ZFAND3: variants seen among roughly 807,000 people sequenced by gnomAD.
The protein encoded by ZFAND3 is AN1-type zinc finger protein 3.
ZFAND3 carries 10 observed loss-of-function variants against 29.6 expected under a neutral mutation model. The observed-to-expected ratio is 0.34, with a 90% confidence interval of 0.21 to 0.57. ZFAND3 has a LOEUF of 0.57. Ranked by LOEUF, ZFAND3 falls within the 20% of genes least tolerant of loss-of-function variation. The probability of loss-of-function intolerance (pLI) is 0.86; values close to 1 mark genes in which losing one functional copy is unlikely to be tolerated. For missense variants in ZFAND3, 230 were observed against 304.5 expected (o/e 0.76, Z 1.82); for synonymous variants, 128 against 112.6 (o/e 1.14, Z -0.87).
intron 1 of ZFAND3, among the ~76,000 whole-genome samples, chr6:37,907,511 C>T (rs1022026202): frequency 1.3e-5 from 2 of 152,156 alleles, no homozygotes; most frequent in African/African-American, 4.8e-5. Flanking sequence ...TAGCTTCTCT[C>T]ACTGAACGTG....
intron 2 of ZFAND3, among the ~76,000 whole-genome samples, chr6:37,937,922 T>C (rs943507653): frequency 2.3e-4 from 35 of 152,306 alleles, no homozygotes; most frequent in Admixed American, 2.0e-3. Context: ...GATGGTTGGG[T>C]GTCTGACATT....
chr6:37,930,753 T>G (rs772087001), intron 2 of ZFAND3, among the ~76,000 whole-genome samples: 8 of 152,208 alleles, frequency 5.3e-5, no homozygotes, highest in Non-Finnish European at 1.0e-4. Context: ...TTAAAAAACT[T>G]TCTATCTAGC....
At chr6:38,037,220 C>G (rs1763676507) in intron 2 of ZFAND3, among the ~76,000 whole-genome samples, 1 of 152,124 alleles carries the variant, frequency 6.6e-6, no homozygotes, top group Non-Finnish European at 1.5e-5. Flanking sequence ...GGTAAGTACA[C>G]ACAACGTAAC....
At chr6:37,907,471 A>G (rs1765429263) in intron 1 of ZFAND3, among the ~76,000 whole-genome samples, 1 of 152,122 alleles carries the variant, frequency 6.6e-6, no homozygotes, top group Admixed American at 6.6e-5. Context: ...TTTCACATAA[A>G]TGGAATCATA....
In ZFAND3 at chr6:37,995,707, A is replaced by G. The variant is rs1338607563; in HGVS notation, c.112+65708A>G. On this transcript the variant is annotated intron_variant, in intron 2 of 5. Coordinates refer to ENST00000287218, the MANE Select transcript of ZFAND3 (RefSeq NM_021943.3). ...ATTTTAGTTTTTAAAAAGCCTTTTA[A>G]TGAGCACAAAAAGCCCTTTAGTGAG... 3.3e-5 allele frequency among the ~76,000 whole-genome samples: 5 copies of G among 152,246 alleles called. No individual in the cohort carries two copies. In the East Asian group the frequency reaches 9.6e-4, roughly 29 times the overall value.
intron 1 of ZFAND3, among the ~76,000 whole-genome samples, chr6:37,846,421 T>A (rs1346224014): frequency 1.3e-5 from 2 of 152,198 alleles, no homozygotes; most frequent in African/African-American, 4.8e-5. Context: ...GCAAGACCCT[T>A]GTCCCTTTAA....
At chr6:38,032,136 A>G (rs1763573875) in intron 2 of ZFAND3, among the ~76,000 whole-genome samples, 1 of 152,170 alleles carries the variant, frequency 6.6e-6, no homozygotes. Flanking sequence ...CCTGGCCTGT[A>G]TGCTGCATTT....
At chr6:37,969,890 G>A (rs1208421512) in intron 2 of ZFAND3, among the ~76,000 whole-genome samples, 1 of 151,822 alleles carries the variant, frequency 6.6e-6, no homozygotes, top group Non-Finnish European at 1.5e-5. Context: ...TTTATTTTTA[G>A]GAAACAATCA....
At chr6:37,835,262 G>C (rs1763945066) in intron 1 of ZFAND3, among the ~76,000 whole-genome samples, 1 of 152,058 alleles carries the variant, frequency 6.6e-6, no homozygotes, top group Admixed American at 6.6e-5. Flanking sequence ...GGGCTCAAGT[G>C]ATCTTCCTGC....
In ZFAND3 at chr6:37,980,212, T is replaced by C. The variant is rs184332972; in HGVS notation, c.112+50213T>C. Among the ~76,000 whole-genome samples the C allele has an allele frequency of 4.7e-4, 71 of 152,244 alleles. 1 individual carries two copies. The highest frequency in any genetic ancestry group is 9.6e-4 in the African/African-American group (40 of 41,530). ...TCCAGAGTCATGAAAATTGTAATTT[T>C]TGTCTGTTTTTATTTGTTTTTGTTT... On this transcript the variant is annotated intron_variant, in intron 2 of 5. Transcript: ENST00000287218.
intron 2 of ZFAND3, among the ~76,000 whole-genome samples, chr6:37,976,466 C>T (rs1368449580): frequency 2.0e-5 from 3 of 151,692 alleles, no homozygotes; most frequent in Non-Finnish European, 4.4e-5. Context: ...CACCTATAGT[C>T]CCAGCTACTT....
At chr6:37,904,478 T>G (rs1282027984) in intron 1 of ZFAND3, among the ~76,000 whole-genome samples, 2 of 152,206 alleles carry the variant, frequency 1.3e-5, no homozygotes, top group Non-Finnish European at 2.9e-5. Flanking sequence ...GTATCATTAT[T>G]AGGCATATTG....
chr6:37,868,414 G>A (rs1244979659), intron 1 of ZFAND3, among the ~76,000 whole-genome samples: 3 of 152,208 alleles, frequency 2.0e-5, no homozygotes, highest in Non-Finnish European at 4.4e-5. Context: ...TTGTGATAGA[G>A]GGAGGGAGGG....
intron 1 of ZFAND3, among the ~76,000 whole-genome samples, chr6:37,906,015 A>G (rs1470851655): frequency 6.6e-6 from 1 of 152,156 alleles, no homozygotes; most frequent in East Asian, 1.9e-4. Context: ...ACCCACAGGC[A>G]GAGTTTTATT....
At chr6:37,901,586 C>G (rs1276527065) in intron 1 of ZFAND3, among the ~76,000 whole-genome samples, 1 of 152,026 alleles carries the variant, frequency 6.6e-6, no homozygotes, top group Admixed American at 6.6e-5. Context: ...CCACTGTGCT[C>G]CAGCCTGGGT....
intron 2 of ZFAND3, among the ~76,000 whole-genome samples, chr6:37,956,887 G>A (rs773718253): frequency 2.6e-5 from 4 of 152,170 alleles, no homozygotes; most frequent in Non-Finnish European, 1.5e-5. Flanking sequence ...AGTAATTGTG[G>A]ATATGAACAG....
At chr6:37,829,235 A>C (rs1248147117) in intron 1 of ZFAND3, among the ~76,000 whole-genome samples, 3 of 151,342 alleles carry the variant, frequency 2.0e-5, no homozygotes, top group Non-Finnish European at 4.4e-5. Flanking sequence ...GTTGCTTTAA[A>C]AAAAAAAAAA....
chr6:38,120,087 T>A (rs923298090), intron 5 of ZFAND3, among the ~76,000 whole-genome samples: 1 of 152,162 alleles, frequency 6.6e-6, no homozygotes, highest in African/African-American at 2.4e-5. Context: ...TTCAATAGTT[T>A]AACTTCTCAA....
intron 2 of ZFAND3, among the ~76,000 whole-genome samples, chr6:38,045,406 C>G (rs956435704): frequency 1.3e-5 from 2 of 152,034 alleles, no homozygotes; most frequent in Non-Finnish European, 2.9e-5. Flanking sequence ...TGTCGAAATT[C>G]TAATACATTA....
Sources: allele counts gnomAD v4.1 joint callset (sites outside exome capture counted in the v4.1 genomes callset), GRCh38; gene constraint gnomAD v4.1.1; transcripts MANE v1.5; gene names NCBI Gene and HGNC (gene_info 2026-07-23, HGNC 2026-07-21).